The following ROPN1L variants were observed in gnomAD, a reference collection of about 807,000 sequenced individuals.
ROPN1L encodes the protein ropporin-1-like protein.
A neutral mutation model predicts 22.7 loss-of-function variants in ROPN1L; 23 were observed. The observed-to-expected ratio is 1.01, with a 90% CI of 0.73 to 1.43. ROPN1L has a LOEUF of 1.43. ROPN1L is among the 40% of genes most tolerant of loss of function. The pLI, the probability that ROPN1L is intolerant of heterozygous loss-of-function variation, is 0.00. For missense variants in ROPN1L, 271 were observed against 291.5 expected, an observed-to-expected ratio of 0.93 and a Z score of 0.51; for synonymous variants, 116 against 117.8, an observed-to-expected ratio of 0.98 and a Z score of 0.10.
At chr5:10,444,021 G>A (rs1344739486) in intron 1 of ROPN1L, among the ~76,000 whole-genome samples, 2 of 152,122 alleles carry the variant, frequency 1.3e-5, no homozygotes, top group Non-Finnish European at 2.9e-5. Context: ...TACCTTTGGG[G>A]CTGTTATTTT....
In ROPN1L at chr5:10,442,082, C is replaced by A. The variant is rs1038617360; in HGVS notation, c.-86C>A. ...CTGGCCGCAAGCCCCGCGCTGCTAG[C>A]GGGTCCACCGCGTCGTAGCCGACAG... is the stretch of plus-strand genomic sequence containing the variant. On this transcript the variant is annotated 5_prime_UTR_variant, in exon 1 of 5. Transcript: ENST00000274134. The A allele has an allele frequency of 1.3e-6, 2 of 1,539,118 alleles. No individual in the cohort carries two copies. The highest frequency in any genetic ancestry group is 1.8e-5 in the Admixed American group (1 of 56,060).
chr5:10,471,336 C>T (rs888248951), intron 4 of ROPN1L, among the ~76,000 whole-genome samples: 4 of 151,546 alleles, frequency 2.6e-5, no homozygotes, highest in Non-Finnish European at 5.9e-5. Flanking sequence ...TTAGTAGACA[C>T]GGAGTTTCAC....
intron 4 of ROPN1L, among the ~76,000 whole-genome samples, chr5:10,462,016 G>T (rs939592514): frequency 1.4e-4 from 22 of 152,050 alleles, no homozygotes; most frequent in Non-Finnish European, 1.5e-4. Flanking sequence ...TCCTTTTAGG[G>T]TTTCTTTTTC....
intron 4 of ROPN1L, among the ~76,000 whole-genome samples, chr5:10,470,139 T>G (rs146646319): frequency 6.6e-6 from 1 of 152,244 alleles, no homozygotes; most frequent in Non-Finnish European, 1.5e-5. Context: ...TTTTCAAGTC[T>G]TAAACATTCT....
chr5:10,482,257 C>T, the ROPN1L span: 1 of 151,672 alleles, frequency 6.6e-6, no homozygotes, highest in Non-Finnish European at 1.5e-5. Flanking sequence ...AAATGCTACA[C>T]TTTCTTATCA....
At chr5:10,451,945 ATCTATCTG>A (rs1187867573) in intron 3 of ROPN1L, among the ~76,000 whole-genome samples, 3 of 151,680 alleles carry the variant, frequency 2.0e-5, no homozygotes, top group Admixed American at 6.6e-5. Flanking sequence ...CTATCTATCT[ATCTATCTG>A]TCTATCTATC....
chr5:10,457,643 A>G (rs954813883), intron 3 of ROPN1L, among the ~76,000 whole-genome samples: 4 of 152,128 alleles, frequency 2.6e-5, no homozygotes, highest in Non-Finnish European at 5.9e-5. Flanking sequence ...TGCTCTGACC[A>G]TGGTGTTCTG....
intron 2 of ROPN1L, among the ~76,000 whole-genome samples, chr5:10,449,620 GT>G (rs1741188632): frequency 6.6e-6 from 1 of 152,138 alleles, no homozygotes. Flanking sequence ...TTTTTAAAAT[GT>G]TTTTTACTGA....
chr5:10,480,975 C>T, the ROPN1L span, among the ~76,000 whole-genome samples: 16 of 152,266 alleles, frequency 1.1e-4, no homozygotes, highest in East Asian at 1.9e-4. Context: ...GCTTCCAGAT[C>T]GTCTGTTTCT....
intron 3 of ROPN1L, among the ~76,000 whole-genome samples, chr5:10,450,567 C>T (rs775167287): frequency 3.9e-5 from 6 of 152,206 alleles, no homozygotes; most frequent in African/African-American, 7.2e-5. Flanking sequence ...GGCGCAATCT[C>T]GGCTCACCGC....
intron 4 of ROPN1L, among the ~76,000 whole-genome samples, chr5:10,463,648 A>G (rs912010375): frequency 1.3e-5 from 2 of 152,150 alleles, no homozygotes; most frequent in Non-Finnish European, 2.9e-5. Flanking sequence ...CGAATTGCCC[A>G]CAGTACAGTT....
intron 2 of ROPN1L, 145 bp from the exon 3 acceptor site, chr5:10,449,807 C>A: frequency 3.2e-6 from 2 of 631,982 alleles, no homozygotes; most frequent in Non-Finnish European, 2.7e-6. Context: ...CTCCCCAGGG[C>A]TGACAGAACC....
intron 4 of ROPN1L, 93 bp downstream of exon 4, chr5:10,461,452 C>G (rs559666915): frequency 2.4e-4 from 254 of 1,076,620 alleles, no homozygotes; most frequent in Non-Finnish European, 3.2e-4. Context: ...TCAGTTTTTC[C>G]TTTGCTCTCT....
intron 1 of ROPN1L, among the ~76,000 whole-genome samples, chr5:10,446,143 A>G (rs1741056884): frequency 1.3e-5 from 2 of 152,204 alleles, no homozygotes; most frequent in Non-Finnish European, 2.9e-5. Flanking sequence ...AGAATCAGTC[A>G]AGTAATAGAG....
In ROPN1L at chr5:10,441,889, T is replaced by A. The variant is rs1740884414; in HGVS notation, c.-279T>A. On this transcript the variant is annotated 5_prime_UTR_variant, in exon 1 of 5. Transcript: ENST00000274134. The stretch of plus-strand genomic sequence containing the variant: ...GGGCGGGGCCTGCTCGCGTCCCGGG[T>A]GCCTGGATACCGAGCGCGTCCGTAG... The A allele has an allele frequency of 7.7e-6, 2 of 260,920 alleles. No homozygotes were observed. Among genetic ancestry groups the A allele is most frequent in the Admixed American group, 5.0e-5 (1 of 20,048 alleles). 16.2% of individuals were successfully genotyped at this position (260,920 alleles called of 1,614,324 possible).
At chr5:10,462,511 G>T (rs1377585814) in intron 4 of ROPN1L, among the ~76,000 whole-genome samples, 1 of 152,182 alleles carries the variant, frequency 6.6e-6, no homozygotes, top group Non-Finnish European at 1.5e-5. Context: ...GGGAGAGAAT[G>T]TATCTTGTCA....
intron 3 of ROPN1L, among the ~76,000 whole-genome samples, chr5:10,451,565 C>A (rs1376723696): frequency 6.6e-6 from 1 of 152,244 alleles, no homozygotes; most frequent in Non-Finnish European, 1.5e-5. Flanking sequence ...CTGTACATCA[C>A]AGGCCACGTT....
At chr5:10,459,248 G>A (rs1055967628) in intron 3 of ROPN1L, among the ~76,000 whole-genome samples, 3 of 149,876 alleles carry the variant, frequency 2.0e-5, no homozygotes, top group Admixed American at 2.0e-4. Context: ...GCCCTTCCCA[G>A]GCCCCTGGCT....
chr5:10,466,431 G>T (rs1237847599), downstream of ROPN1L, among the ~76,000 whole-genome samples: 2 of 152,218 alleles, frequency 1.3e-5, no homozygotes, highest in Non-Finnish European at 2.9e-5. Flanking sequence ...GACCAGCTCA[G>T]CGTGCAACAC....
Sources: allele counts gnomAD v4.1 joint callset (sites outside exome capture counted in the v4.1 genomes callset), GRCh38; gene constraint gnomAD v4.1.1; transcripts MANE v1.5; gene names NCBI Gene and HGNC (gene_info 2026-07-23, HGNC 2026-07-21).